The following PRIM2 variants were observed in gnomAD, a reference collection of about 807,000 sequenced individuals.
The protein encoded by PRIM2 is DNA primase subunit 2.
A neutral mutation model predicts 67.3 loss-of-function variants in PRIM2; 39 were observed. That is an observed-to-expected ratio of 0.58 (90% CI 0.45 to 0.76). The LOEUF is 0.76. PRIM2 is among the 30% of genes least tolerant of loss of function. PRIM2 has a pLI of 0.00. For missense variants in PRIM2, 398 were observed against 598.7 expected (o/e 0.66, Z 3.50); for synonymous variants, 143 against 198.7 (o/e 0.72, Z 2.36).
At chr6:57,379,641 TG>T (rs1161962016) in intron 5 of PRIM2, among the ~76,000 whole-genome samples, 5 of 152,196 alleles carry the variant, frequency 3.3e-5, no homozygotes, top group Non-Finnish European at 7.4e-5. Context: ...ATTTTCTCTT[TG>T]TCTGCTACTG....
chr6:57,254,872 G>GAAGTTAATC, the PRIM2 span, among the ~76,000 whole-genome samples: 1 of 152,182 alleles, frequency 6.6e-6, no homozygotes, highest in Non-Finnish European at 1.5e-5. Flanking sequence ...TAGATTAGAA[G>GAAGTTAATC]AAGTTAATCA....
At chr6:57,355,063 G>A (rs982561613) in intron 5 of PRIM2, among the ~76,000 whole-genome samples, 1 of 152,300 alleles carries the variant, frequency 6.6e-6, no homozygotes. Context: ...CAGCACTTCG[G>A]GAGGCTGAGG....
At chr6:57,284,342 G>A in the PRIM2 span, among the ~76,000 whole-genome samples, 18 of 152,140 alleles carry the variant, frequency 1.2e-4, no homozygotes, top group Admixed American at 7.2e-4. Flanking sequence ...GTGCTTGTAC[G>A]CTATTCAGGT....
chr6:57,492,397 G>C (rs1280949901), intron 7 of PRIM2, among the ~76,000 whole-genome samples: 1 of 151,916 alleles, frequency 6.6e-6, no homozygotes, highest in Non-Finnish European at 1.5e-5. Context: ...ACAAAAATTA[G>C]CAGGGCATGG....
chr6:57,370,613 G>A (rs1334274997), intron 5 of PRIM2, among the ~76,000 whole-genome samples: 1 of 151,192 alleles, frequency 6.6e-6, no homozygotes, highest in Non-Finnish European at 1.5e-5. Context: ...TTAGATCGAA[G>A]TGCATGATTT....
At chr6:57,534,320 C>A (rs1774954846) in intron 9 of PRIM2, among the ~76,000 whole-genome samples, 1 of 152,130 alleles carries the variant, frequency 6.6e-6, no homozygotes, top group Non-Finnish European at 1.5e-5. Context: ...TCCCCCCACA[C>A]CTGTATTCGT....
At chr6:57,543,535 C>T (rs1322330678) in intron 10 of PRIM2, among the ~76,000 whole-genome samples, 9 of 152,276 alleles carry the variant, frequency 5.9e-5, no homozygotes, top group Non-Finnish European at 1.2e-4. Context: ...ATTTTGGGTA[C>T]TTAGCCAGTA....
At chr6:57,641,115 C>T (rs1777225589) in intron 13 of PRIM2, among the ~76,000 whole-genome samples, 2 of 151,960 alleles carry the variant, frequency 1.3e-5, no homozygotes. Context: ...TGTTGACAAA[C>T]CTGACAAAAA....
intron 7 of PRIM2, among the ~76,000 whole-genome samples, chr6:57,490,263 A>T (rs1438176187): frequency 6.6e-6 from 1 of 152,206 alleles, no homozygotes; most frequent in Non-Finnish European, 1.5e-5. Context: ...GGTGGTAGGC[A>T]GCAAACTGGA....
At chr6:57,293,647 T>C in the PRIM2 span, among the ~76,000 whole-genome samples, 2 of 152,222 alleles carry the variant, frequency 1.3e-5, no homozygotes, top group African/African-American at 4.8e-5. Flanking sequence ...CATGGAATAC[T>C]ATGCAGCCAT....
chr6:57,560,087 A>G (rs1289218861), intron 10 of PRIM2, among the ~76,000 whole-genome samples: 2 of 152,214 alleles, frequency 1.3e-5, no homozygotes, highest in African/African-American at 4.8e-5. Context: ...CTGTAACAGA[A>G]CTTCTTTGAG....
At chr6:57,584,541 G>C (rs1776155301) in intron 10 of PRIM2, among the ~76,000 whole-genome samples, 1 of 152,182 alleles carries the variant, frequency 6.6e-6, no homozygotes, top group Non-Finnish European at 1.5e-5. Context: ...TGGGAAATTT[G>C]AGAAAGAAAT....
At chr6:57,565,169 T>A (rs1267016164) in intron 10 of PRIM2, among the ~76,000 whole-genome samples, 1 of 152,030 alleles carries the variant, frequency 6.6e-6, no homozygotes, top group Non-Finnish European at 1.5e-5. Flanking sequence ...GAAAATACTT[T>A]AAAAAAATTT....
the PRIM2 span, among the ~76,000 whole-genome samples, chr6:57,226,053 TA>T: frequency 2.6e-5 from 4 of 151,838 alleles, no homozygotes; most frequent in African/African-American, 7.3e-5. Context: ...ATTTATCCAT[TA>T]AAAAAAATAC....
At chr6:57,353,563 T>A (rs1189241195) in intron 5 of PRIM2, among the ~76,000 whole-genome samples, 8 of 152,200 alleles carry the variant, frequency 5.3e-5, no homozygotes, top group Non-Finnish European at 1.0e-4. Context: ...TGTGTGCACA[T>A]GCACACATAC....
At chr6:57,505,967 T>G (rs1254478838) in intron 7 of PRIM2, among the ~76,000 whole-genome samples, 1 of 152,066 alleles carries the variant, frequency 6.6e-6, no homozygotes, top group African/African-American at 2.4e-5. Flanking sequence ...ACATGAAATC[T>G]CTTGAACAAT....
chr6:57,380,775 C>T (rs1748712974), intron 6 of PRIM2, among the ~76,000 whole-genome samples: 1 of 149,516 alleles, frequency 6.7e-6, no homozygotes, highest in Non-Finnish European at 1.5e-5. Context: ...ATTTCTCTTA[C>T]ACCACACATT....
At chr6:57,602,584 T>C (rs1176247346) in intron 11 of PRIM2, among the ~76,000 whole-genome samples, 2 of 152,230 alleles carry the variant, frequency 1.3e-5, no homozygotes, top group South Asian at 2.1e-4. Context: ...AGTCAACTTA[T>C]GATTAAGCTT....
intron 5 of PRIM2, among the ~76,000 whole-genome samples, chr6:57,348,817 G>A (rs545484272): frequency 8.0e-5 from 12 of 149,076 alleles, no homozygotes; most frequent in East Asian, 2.0e-4. Context: ...GCGCGATCTC[G>A]GCTCACTGCA....
Sources: gnomAD v4.1 joint callset for allele counts (sites outside exome capture counted in the v4.1 genomes callset) on GRCh38, gnomAD v4.1.1 for gene constraint, MANE v1.5 for transcripts, NCBI Gene and HGNC (gene_info 2026-07-23, HGNC 2026-07-21) for gene names.